Variants in TNS3 observed in about 807,000 individuals in gnomAD.
TNS3 encodes tensin 3, also known as tensin-3.
A neutral mutation model predicts 140.9 loss-of-function variants in TNS3; 45 were observed. The observed-to-expected ratio is 0.32, with a 90% CI of 0.25 to 0.41. The LOEUF is 0.41. Ranked by LOEUF, TNS3 falls within the 10% of genes least tolerant of loss-of-function variation. The pLI, the probability that TNS3 is intolerant of heterozygous loss-of-function variation, is 1.00. For missense variants in TNS3, 1,716 were observed against 1,906.7 expected, an observed-to-expected ratio of 0.90 and a Z score of 1.86; for synonymous variants, 815 against 788.4, an observed-to-expected ratio of 1.03 and a Z score of -0.56.
chr7:47,282,045 T>A lies in TNS3; in HGVS notation c.4097+1652A>T, dbSNP rs567301013. Among the ~76,000 whole-genome samples the A allele has an allele frequency of 4.6e-5, 7 of 151,338 alleles. No homozygotes were observed. The East Asian group carries it at 1.4e-3, about 30-fold the overall frequency. On this transcript the variant is annotated intron_variant, in intron 28 of 30. Coordinates refer to ENST00000311160, the MANE Select transcript of TNS3 (RefSeq NM_022748.12). ...CCTGACCCTGAGCCCACCAGGTAGA[T>A]GATCCATATCCCAAACCCTAAGTCC...
chr7:47,509,769 C>A (rs936766598), intron 2 of TNS3, among the ~76,000 whole-genome samples: 1 of 152,160 alleles, frequency 6.6e-6, no homozygotes, highest in African/African-American at 2.4e-5. Context: ...CGCCATCCTG[C>A]ACCCACCTCC....
At chr7:47,466,983 C>A (rs950312220) in intron 4 of TNS3, among the ~76,000 whole-genome samples, 1 of 152,146 alleles carries the variant, frequency 6.6e-6, no homozygotes, top group Non-Finnish European at 1.5e-5. Context: ...CTAGGGAGTG[C>A]TGTGGTGATG....
At chr7:47,558,794 C>T (rs1476207153) in intron 1 of TNS3, among the ~76,000 whole-genome samples, 2 of 152,180 alleles carry the variant, frequency 1.3e-5, no homozygotes, top group African/African-American at 4.8e-5. Context: ...TCTGTGTACA[C>T]CTGCAGGAAA....
At chr7:47,481,000 C>A in intron 4 of TNS3, 103 bp downstream of exon 4, 1 of 895,322 alleles carries the variant, frequency 1.1e-6, no homozygotes, top group Non-Finnish European at 1.6e-6. Context: ...GGGCATGGAT[C>A]CTAGAGGAAG....
At chr7:47,322,072 T>A (rs1787766383) in intron 20 of TNS3, among the ~76,000 whole-genome samples, 1 of 152,018 alleles carries the variant, frequency 6.6e-6, no homozygotes. Context: ...TGTAAAAGCA[T>A]CAAGCATCCC....
intron 3 of TNS3, among the ~76,000 whole-genome samples, chr7:47,505,601 A>G (rs996137064): frequency 6.6e-6 from 1 of 152,188 alleles, no homozygotes; most frequent in Admixed American, 6.5e-5. Flanking sequence ...GGGGGCAGCA[A>G]GGCCCTGTGC....
intron 30 of TNS3, chr7:47,278,500 T>A (rs1452175713): frequency 5.4e-6 from 2 of 369,676 alleles, no homozygotes; most frequent in African/African-American, 2.1e-5. Context: ...GAATCAAAGC[T>A]GAGGCTCAAC....
intron 1 of TNS3, among the ~76,000 whole-genome samples, chr7:47,577,880 AGGAGCACTTCCCTAGCTCTG>A (rs1260492239): frequency 5.9e-5 from 9 of 152,106 alleles, no homozygotes; most frequent in Admixed American, 3.3e-4. Flanking sequence ...GGTGGCTCTG[AGGAGCACTTCCCTAGCTCTG>A]GGAGCACCTC....
chr7:47,533,648 C>T (rs990050616), intron 1 of TNS3, among the ~76,000 whole-genome samples: 7 of 152,048 alleles, frequency 4.6e-5, no homozygotes, highest in East Asian at 1.9e-4. Flanking sequence ...ACTGTGTCCC[C>T]GCCCAAATCT....
chr7:47,476,833 AAGGGAGGTTTGCCTC>A (rs1334388521), intron 4 of TNS3, among the ~76,000 whole-genome samples: 1 of 152,228 alleles, frequency 6.6e-6, no homozygotes, highest in Admixed American at 6.5e-5. Flanking sequence ...GACATTCACA[AAGGGAGGTTTGCCTC>A]CCAGCTCCTT....
intron 1 of TNS3, among the ~76,000 whole-genome samples, chr7:47,542,976 T>C (rs1174691280): frequency 1.3e-5 from 2 of 150,514 alleles, no homozygotes; most frequent in African/African-American, 4.9e-5. Flanking sequence ...AAAGACTGCC[T>C]TCAGTTTAAG....
At chr7:47,560,565 T>C (rs1310694498) in intron 1 of TNS3, among the ~76,000 whole-genome samples, 2 of 152,196 alleles carry the variant, frequency 1.3e-5, no homozygotes, top group African/African-American at 4.8e-5. Flanking sequence ...ACCTCTCTGC[T>C]GCTGTCAGGG....
At chr7:47,295,129 G>A (rs1785933273) in intron 24 of TNS3, among the ~76,000 whole-genome samples, 1 of 152,140 alleles carries the variant, frequency 6.6e-6, no homozygotes, top group South Asian at 2.1e-4. Flanking sequence ...TTCACCCAGA[G>A]GCCACCAACA....
intron 1 of TNS3, among the ~76,000 whole-genome samples, chr7:47,530,838 A>AAAAATATAT: frequency 1.8e-5 from 1 of 54,558 alleles, no homozygotes; most frequent in African/African-American, 7.9e-5. Context: ...AAAAAAAAAA[A>AAAAATATAT]ATATATATAT....
chr7:47,513,625 C>T (rs904530483), intron 2 of TNS3, among the ~76,000 whole-genome samples: 1 of 152,212 alleles, frequency 6.6e-6, no homozygotes, highest in African/African-American at 2.4e-5. Flanking sequence ...AAAAAGGAGA[C>T]ATCACTTTTC....
At chr7:47,540,297 G>A (rs1332115779) in intron 1 of TNS3, among the ~76,000 whole-genome samples, 2 of 152,026 alleles carry the variant, frequency 1.3e-5, no homozygotes, top group Admixed American at 6.5e-5. Context: ...TCTTCCCAGG[G>A]AGGATGAATT....
At chr7:47,410,044 G>T (rs1475114933) in intron 13 of TNS3, among the ~76,000 whole-genome samples, 1 of 152,182 alleles carries the variant, frequency 6.6e-6, no homozygotes, top group African/African-American at 2.4e-5. Flanking sequence ...GCTCAATACA[G>T]ACTCAGGCCC....
At chr7:47,478,623 T>C (rs1797286286) in intron 4 of TNS3, among the ~76,000 whole-genome samples, 1 of 152,108 alleles carries the variant, frequency 6.6e-6, no homozygotes, top group East Asian at 1.9e-4. Context: ...ATACATAATA[T>C]ATGCATACAA....
intron 11 of TNS3, 98 bp downstream of exon 11, chr7:47,414,996 C>T (rs984177045): frequency 2.1e-5 from 18 of 877,590 alleles, no homozygotes; most frequent in African/African-American, 5.2e-5. Flanking sequence ...TGGGCCCTCT[C>T]GGAAGGAAAG....
Sources: allele counts gnomAD v4.1 joint callset (sites outside exome capture counted in the v4.1 genomes callset), GRCh38; gene constraint gnomAD v4.1.1; transcripts MANE v1.5; gene names NCBI Gene and HGNC (gene_info 2026-07-23, HGNC 2026-07-21).